The following ANKRD44 variants were observed in gnomAD, a reference collection of about 807,000 sequenced individuals.
ANKRD44 encodes the protein serine/threonine-protein phosphatase 6 regulatory ankyrin repeat subunit B.
In ANKRD44, 35 loss-of-function variants were observed where a neutral mutation model predicts 116.0. The observed-to-expected ratio is 0.30, with a 90% CI of 0.23 to 0.40. The LOEUF (loss-of-function observed/expected upper bound fraction) is 0.40. ANKRD44 is among the 10% of genes least tolerant of loss of function. The probability of loss-of-function intolerance (pLI) is 1.00; values close to 1 mark genes in which losing one functional copy is unlikely to be tolerated. For missense variants in ANKRD44, 1,014 were observed against 1,242.6 expected (o/e 0.82, Z 2.77); for synonymous variants, 435 against 461.8 (o/e 0.94, Z 0.74).
At chr2:197,014,646 G>T (rs887525826) in intron 17 of ANKRD44, among the ~76,000 whole-genome samples, 14 of 151,818 alleles carry the variant, frequency 9.2e-5, no homozygotes, top group Admixed American at 9.2e-4. Flanking sequence ...AAATTAGCAG[G>T]CATGGTGGCG....
At chr2:197,299,137 A>G (rs531746889) in intron 1 of ANKRD44, among the ~76,000 whole-genome samples, 2 of 152,238 alleles carry the variant, frequency 1.3e-5, no homozygotes, top group South Asian at 4.1e-4. Flanking sequence ...GTCTGAATGT[A>G]TCTTAATTCT....
chr2:197,300,859 G>C (rs2105910055), intron 1 of ANKRD44: 1 of 151,046 alleles, frequency 6.6e-6, no homozygotes, highest in East Asian at 1.9e-4. Flanking sequence ...GTCCTCCCAG[G>C]TTCAAGCAAT....
At chr2:197,110,683 G>T in intron 9 of ANKRD44, 83 bp downstream of exon 9, 1 of 1,120,866 alleles carries the variant, frequency 8.9e-7, no homozygotes, top group South Asian at 1.2e-5. Flanking sequence ...ACAGGGCATC[G>T]ACTTTCATAT....
Position 197,124,392 on chromosome 2 carries a change from C to G in ANKRD44, c.550+989G>C, listed in dbSNP as rs570182020. Among the ~76,000 whole-genome samples the G allele has an allele frequency of 5.9e-5, 9 of 152,242 alleles. No homozygotes were observed. In the East Asian group the frequency reaches 1.7e-3, roughly 29 times the overall value. On this transcript the variant is annotated intron_variant, in intron 6 of 27. Coordinates refer to ENST00000282272, the MANE Select transcript of ANKRD44 (RefSeq NM_001195144.2). ...GTATTAAAAGAAAACCAAAATCATC[C>G]ACAATCATAAATCCCCAAAGACAAT...
chr2:197,083,480 C>T lies in ANKRD44; in HGVS notation c.1346G>A (p.Cys449Tyr), dbSNP rs2077845620. The change falls in exon 14 of 28, where the codon TGT (cysteine) becomes TAT (tyrosine). Residue 449 changes from cysteine (C) to tyrosine (Y), a missense_variant. Coordinates refer to ENST00000282272, the MANE Select transcript of ANKRD44 (RefSeq NM_001195144.2). Reference sequence around the variant, plus strand: ...TAATGTCTCAATACAGTGGAAATGACAATTCGCAGCTGCATAGTGCAAAGG... The same window carrying T: ...TAATGTCTCAATACAGTGGAAATGATAATTCGCAGCTGCATAGTGCAAAGG... The part of the protein sequence containing the change: ...RTPLHYAAAN[C>Y]HFHCIETLVT... 6.2e-7 allele frequency: 1 copy of T among 1,613,448 alleles called. No homozygotes were observed.
At chr2:197,245,726 A>G (rs1433896904) in intron 1 of ANKRD44, among the ~76,000 whole-genome samples, 1 of 152,182 alleles carries the variant, frequency 6.6e-6, no homozygotes, top group Non-Finnish European at 1.5e-5. Context: ...CCTTATCTCT[A>G]TGTATTACTC....
At chr2:197,259,922 G>A (rs1357733373) in intron 1 of ANKRD44, among the ~76,000 whole-genome samples, 1 of 151,520 alleles carries the variant, frequency 6.6e-6, no homozygotes, top group Non-Finnish European at 1.5e-5. Context: ...TAATTTGAGG[G>A]GGGAAAAAAA....
intron 21 of ANKRD44, among the ~76,000 whole-genome samples, chr2:196,979,129 G>A (rs1559391229): frequency 6.6e-6 from 1 of 151,886 alleles, no homozygotes; most frequent in Non-Finnish European, 1.5e-5. Context: ...AGGCACGGTG[G>A]CTCACGCCTG....
At position 197,019,719 on chromosome 2, in the gene ANKRD44, T is replaced by C. The variant is rs114306256; in HGVS notation, c.1722+5477A>G. ...CCAAACATAAACAAATAATAGAGGA[T>C]GGTATAATGAATTGCCGTATACCTT... On this transcript the variant is annotated intron_variant, in intron 17 of 27. Transcript: ENST00000282272. Among the ~76,000 whole-genome samples, 950 of 152,236 alleles carry C rather than the reference T, an allele frequency of 6.2e-3. 3 individuals are homozygous for C. Among genetic ancestry groups the C allele is most frequent in the Middle Eastern group, 0.02 (6 of 294 alleles).
At chr2:197,222,068 A>G (rs772499074) in intron 1 of ANKRD44, among the ~76,000 whole-genome samples, 2 of 152,256 alleles carry the variant, frequency 1.3e-5, no homozygotes, top group African/African-American at 2.4e-5. Context: ...TGATTCTGCT[A>G]TAGCTAAGAA....
At chr2:197,022,384 C>T (rs80320080) in intron 17 of ANKRD44, among the ~76,000 whole-genome samples, 11,775 of 152,188 alleles carry the variant, frequency 0.077, 555 homozygotes, top group African/African-American at 0.14. Flanking sequence ...TAAAGTGATC[C>T]TTTTAAAACA....
At chr2:197,095,297 G>A (rs1452649217) in intron 10 of ANKRD44, among the ~76,000 whole-genome samples, 1 of 152,192 alleles carries the variant, frequency 6.6e-6, no homozygotes, top group Non-Finnish European at 1.5e-5. Context: ...TGTAGTACTG[G>A]CATGGGCCAG....
In ANKRD44 at chr2:197,112,778, C is replaced by T. The variant is rs183115240; in HGVS notation, c.907-1934G>A. On this transcript the variant is annotated intron_variant, in intron 8 of 27. Transcript: ENST00000282272. ...AGAAAAAGAAATATGAATTCTGTAC[C>T]TTAACCCTGAACTACAGAATTGGGG... 2.6e-5 allele frequency among the ~76,000 whole-genome samples: 4 copies of T among 151,180 alleles called. No homozygotes were observed. In the East Asian group the frequency reaches 7.8e-4, roughly 29 times the overall value.
At chr2:197,083,967 C>T (rs2077859673) in intron 13 of ANKRD44, among the ~76,000 whole-genome samples, 1 of 152,070 alleles carries the variant, frequency 6.6e-6, no homozygotes, top group African/African-American at 2.4e-5. Flanking sequence ...TATGTTATTG[C>T]TTTTTTGGAT....
rs1206863164 is a variant in ANKRD44, at chr2:197,307,534, A to G, written c.27+3044T>C. ...TTGTTTGTTTGTAGTGATAGCTCCC[A>G]GTTCCTTTTTTACAGTGAAAAAAAA... On this transcript the variant is annotated intron_variant, in intron 1 of 27. Transcript: ENST00000282272. Among the ~76,000 whole-genome samples the G allele has an allele frequency of 3.0e-5, 4 of 133,842 alleles. No individual in the cohort carries two copies. In the East Asian group the frequency reaches 9.3e-4, roughly 31 times the overall value. 87.8% of individuals were successfully genotyped at this position (133,842 alleles called of 152,430 possible).
chr2:196,982,152 G>A (rs2075806557), downstream of ANKRD44, among the ~76,000 whole-genome samples: 1 of 95,346 alleles, frequency 1.0e-5, no homozygotes, highest in African/African-American at 3.7e-5. Context: ...CTCTAAGCAA[G>A]AGGATTTTAT....
Position 197,105,613 on chromosome 2 carries a change from C to T in ANKRD44, c.985+5153G>A, listed in dbSNP as rs542228820. Among the ~76,000 whole-genome samples the T allele has an allele frequency of 7.9e-5, 12 of 152,218 alleles. No individual in the cohort carries two copies. In the East Asian group the frequency reaches 1.3e-3, roughly 17 times the overall value. On this transcript the variant is annotated intron_variant, in intron 9 of 27. Coordinates refer to ENST00000282272, the MANE Select transcript of ANKRD44 (RefSeq NM_001195144.2). ...TCTTTCATGACTTAATTTTAGTTTA[C>T]GGTGAGCATGTACTAATTTTATAAT...
At chr2:197,002,639 T>C (rs2076133677) in intron 21 of ANKRD44, among the ~76,000 whole-genome samples, 1 of 152,350 alleles carries the variant, frequency 6.6e-6, no homozygotes, top group South Asian at 2.1e-4. Context: ...TCTATACAAT[T>C]GTAAGACAGA....
At chr2:197,132,340 G>T (rs534718002) in intron 4 of ANKRD44, among the ~76,000 whole-genome samples, 1 of 152,266 alleles carries the variant, frequency 6.6e-6, no homozygotes, top group South Asian at 2.1e-4. Flanking sequence ...TATTTTAGGA[G>T]ATTTTCAAGA....
Sources: allele counts gnomAD v4.1 joint callset (sites outside exome capture counted in the v4.1 genomes callset), GRCh38; gene constraint gnomAD v4.1.1; transcripts MANE v1.5; gene names NCBI Gene and HGNC (gene_info 2026-07-23, HGNC 2026-07-21).